Variants in FANCI observed in about 807,000 individuals in gnomAD.
The protein encoded by FANCI is Fanconi anemia group I protein.
A neutral mutation model predicts 176.1 loss-of-function variants in FANCI; 156 were observed. That is an observed-to-expected ratio of 0.89 (90% CI 0.78 to 1.01). The LOEUF is 1.01. FANCI is among the 50% of genes least tolerant of loss of function. The pLI is 0.00. For missense variants in FANCI, 1,678 were observed against 1,534.1 expected (o/e 1.09, Z -1.57); for synonymous variants, 613 against 541.7 (o/e 1.13, Z -1.83).
chr15:89,295,132 G>T, intron 24 of FANCI, 38 bp downstream of exon 24: 2 of 1,541,012 alleles, frequency 1.3e-6, no homozygotes, highest in South Asian at 1.2e-5. Context: ...TATTCCACTT[G>T]GCTGTGGTGT....
At chr15:89,290,935 A>G (rs1437239634) in intron 19 of FANCI, among the ~76,000 whole-genome samples, 2 of 152,166 alleles carry the variant, frequency 1.3e-5, no homozygotes, top group Admixed American at 1.3e-4. Context: ...CTTAGGCTTG[A>G]TCCTATATAA....
At chr15:89,298,997 C>T (rs1197643756) in intron 24 of FANCI, among the ~76,000 whole-genome samples, 1 of 151,886 alleles carries the variant, frequency 6.6e-6, no homozygotes, top group African/African-American at 2.4e-5. Flanking sequence ...ATGGTGAAAC[C>T]CCAGCTCTAC....
chr15:89,261,969 A>C (rs1207880874), intron 6 of FANCI, 91 bp downstream of exon 6: 3 of 1,139,958 alleles, frequency 2.6e-6, no homozygotes, highest in Non-Finnish European at 3.9e-6. Context: ...TGGAGGTTTT[A>C]AGTCCTTCTT....
At chr15:89,296,416 T>TTTG (rs34637359) in intron 24 of FANCI, among the ~76,000 whole-genome samples, 68,233 of 150,842 alleles carry the variant, frequency 0.45, 15,986 homozygotes, top group African/African-American at 0.59. Context: ...TGTTTTTTCG[T>TTTG]TTTTTTTGTT....
chr15:89,291,167 T>A (rs974278616), intron 19 of FANCI, among the ~76,000 whole-genome samples: 1 of 152,204 alleles, frequency 6.6e-6, no homozygotes, highest in Non-Finnish European at 1.5e-5. Context: ...AAATACTGTT[T>A]GAAGTACTTT....
rs1490098524 is a variant in FANCI at position 89,264,627 on chromosome 15, A to G, written c.755+20A>G. On this transcript the variant is annotated intron_variant, in intron 9 of 37. Coordinates refer to ENST00000310775, the MANE Select transcript of FANCI (RefSeq NM_001113378.2). ...TGACGAGTGAGTAATATAGTGTAGA[A>G]ATAAAGATCATTTTTACAAATTCAT... 1 of 1,593,934 alleles carries G rather than the reference A, an allele frequency of 6.3e-7. No homozygotes were observed.
intron 26 of FANCI, 87 bp downstream of exon 26, chr15:89,300,472 C>A: frequency 6.9e-6 from 8 of 1,164,918 alleles, no homozygotes; most frequent in Non-Finnish European, 1.0e-5. Context: ...AATGGGCAGA[C>A]AGTGACCAAG....
chr15:89,298,025 A>G (rs1165340129), intron 24 of FANCI, among the ~76,000 whole-genome samples: 1 of 152,208 alleles, frequency 6.6e-6, no homozygotes, highest in Non-Finnish European at 1.5e-5. Context: ...TGAAGGAAAA[A>G]TAGACAAATC....
intron 16 of FANCI, chr15:89,282,638 G>A (rs1465746603): frequency 1.0e-5 from 2 of 197,216 alleles, no homozygotes; most frequent in Non-Finnish European, 2.1e-5. Context: ...AAGGCATAGC[G>A]AATAGACTGA....
intron 2 of FANCI, among the ~76,000 whole-genome samples, chr15:89,257,875 C>G (rs1046069919): frequency 6.6e-6 from 1 of 152,184 alleles, no homozygotes; most frequent in Non-Finnish European, 1.5e-5. Context: ...ATTCTCCACA[C>G]AAGGAGCAAG....
At chr15:89,272,301 T>A (rs914410726) in intron 10 of FANCI, among the ~76,000 whole-genome samples, 56 of 152,216 alleles carry the variant, frequency 3.7e-4, no homozygotes, top group African/African-American at 1.3e-3. Context: ...GTGTTGTTTG[T>A]CTTCTTAATT....
At chr15:89,254,096 C>A (rs1447947978) in intron 2 of FANCI, among the ~76,000 whole-genome samples, 1 of 152,048 alleles carries the variant, frequency 6.6e-6, no homozygotes, top group Non-Finnish European at 1.5e-5. Context: ...CGGTGGCTCA[C>A]GCCTGTAATC....
At chr15:89,287,947 A>G (rs1414183932) in intron 18 of FANCI, among the ~76,000 whole-genome samples, 2 of 152,220 alleles carry the variant, frequency 1.3e-5, no homozygotes, top group Non-Finnish European at 2.9e-5. Flanking sequence ...TAACACATAC[A>G]ATAATAAAGA....
In FANCI at chr15:89,316,412, C is replaced by T. The variant is rs1424361762; in HGVS notation, c.3940C>T (p.His1314Tyr). ...CCCCTTCTAGGGCACTGCATCAGAGCATGGGGGACAGAACAAAGAACCAGC... is the reference window on the plus strand; with the variant it reads ...CCCCTTCTAGGGCACTGCATCAGAGTATGGGGGACAGAACAAAGAACCAGC... ...DENEEGTASEHGGQNKEPAKK... is the reference protein window; with the variant it reads ...DENEEGTASEYGGQNKEPAKK... The change falls in exon 38 of 38, where the codon CAT becomes TAT. Residue 1314 changes from histidine (H) to tyrosine (Y), a missense_variant. Transcript: ENST00000310775. The T allele has an allele frequency of 6.2e-7, 1 of 1,611,802 alleles. No homozygotes were observed. Among genetic ancestry groups the T allele is most frequent in the Non-Finnish European group, 8.5e-7 (1 of 1,178,684 alleles).
rs770611634 is a variant in FANCI at position 89,292,996 on chromosome 15, T to G, written c.2224T>G (p.Cys742Gly). 6.2e-7 allele frequency: 1 copy of G among 1,613,918 alleles called. No individual in the cohort carries two copies. The highest frequency in any genetic ancestry group is 1.3e-5 in the African/African-American group (1 of 74,934). Residue 742 changes from cysteine to glycine, a missense_variant, in exon 22 of 38, where the codon TGT becomes GGT. Cys to Gly is a radical substitution (Grantham distance 159). Coordinates refer to ENST00000310775, the MANE Select transcript of FANCI (RefSeq NM_001113378.2). ...STSIGIKNNI[C>G]AFLVMGVCEV... The stretch of plus-strand genomic sequence containing the variant: ...CAGTATTGGCATAAAAAATAATATC[T>G]GTGCTTTTCTTGTGATGGGAGTTTG...
chr15:89,287,216 G>A (rs2053854378), intron 18 of FANCI, among the ~76,000 whole-genome samples: 1 of 152,012 alleles, frequency 6.6e-6, no homozygotes, highest in Non-Finnish European at 1.5e-5. Context: ...CTCGTGATCT[G>A]CCCGCCTCGG....
chr15:89,271,714 A>G (rs2053207230), intron 10 of FANCI, among the ~76,000 whole-genome samples: 1 of 152,024 alleles, frequency 6.6e-6, no homozygotes, highest in Non-Finnish European at 1.5e-5. Context: ...TGAACTCCTG[A>G]CCTCAAGTGA....
At chr15:89,247,998 G>GC (rs373652729) in intron 2 of FANCI, among the ~76,000 whole-genome samples, 76 of 152,250 alleles carry the variant, frequency 5.0e-4, no homozygotes, top group African/African-American at 1.8e-3. Context: ...ATTTATAAAA[G>GC]CAATTAGTAT....
At chr15:89,304,058 A>G (rs1423656104) in intron 28 of FANCI, 143 bp downstream of exon 28, 30 of 774,742 alleles carry the variant, frequency 3.9e-5, no homozygotes, top group South Asian at 3.9e-4. Flanking sequence ...ACCAAGTCGA[A>G]TTGTTGGCAA....
Sources: allele counts gnomAD v4.1 joint callset (sites outside exome capture counted in the v4.1 genomes callset), GRCh38; gene constraint gnomAD v4.1.1; transcripts MANE v1.5; gene names NCBI Gene and HGNC (gene_info 2026-07-23, HGNC 2026-07-21).